PYROXD1: variants seen among roughly 807,000 people sequenced by gnomAD.
PYROXD1 encodes tRNA ligase complex-associated NAD(P)H dehydrogenase PYROXD1.
A neutral mutation model predicts 62.0 loss-of-function variants in PYROXD1; 42 were observed. The observed-to-expected ratio is 0.68, with a 90% confidence interval of 0.53 to 0.88. PYROXD1 has a LOEUF of 0.88. Ranked by LOEUF, PYROXD1 falls within the 40% of genes least tolerant of loss-of-function variation. The probability of loss-of-function intolerance (pLI) is 0.00; values close to 1 mark genes in which losing one functional copy is unlikely to be tolerated. For synonymous variants in PYROXD1, 170 were observed against 206.4 expected, an observed-to-expected ratio of 0.82 and a Z score of 1.51; for missense variants, 493 against 604.8, an observed-to-expected ratio of 0.82 and a Z score of 1.94.
intron 3 of PYROXD1, chr12:21,447,705 T>G (rs11046055): frequency 0.49 from 84,896 of 173,424 alleles, 20,875 homozygotes; most frequent in Middle Eastern, 0.56. Flanking sequence ...ACATGCATAC[T>G]GCCAGGCGCG....
chr12:21,448,130 T>A lies in PYROXD1; in HGVS notation c.286-1433T>A, dbSNP rs570161088. On this transcript the variant is annotated intron_variant, in intron 3 of 11. Coordinates refer to ENST00000240651, the MANE Select transcript of PYROXD1 (RefSeq NM_024854.5). ...CTGATGTTAATGCATGTTCTCTTTT[T>A]ACAGTAAATTCATGGCCATCAGATG... 2.5e-5 allele frequency: 17 copies of A among 675,954 alleles called. No homozygotes were observed. In the East Asian group the frequency reaches 3.6e-4, roughly 14 times the overall value. The allele number at this position is 675,954 out of a possible 1,614,324, so 41.9% of individuals were successfully genotyped here.
chr12:21,458,218 T>G (rs1942634249), intron 7 of PYROXD1, among the ~76,000 whole-genome samples: 1 of 152,214 alleles, frequency 6.6e-6, no homozygotes, highest in African/African-American at 2.4e-5. Flanking sequence ...TAGAGATGGC[T>G]TCTTTACTTA....
chr12:21,453,326 T>G (rs1263559892), intron 5 of PYROXD1, among the ~76,000 whole-genome samples: 1 of 152,116 alleles, frequency 6.6e-6, no homozygotes, highest in Non-Finnish European at 1.5e-5. Context: ...TTTAGTAAGC[T>G]CTTCTTTGGT....
chr12:21,467,652 CT>C (rs1358815983), intron 11 of PYROXD1, 34 bp downstream of exon 11: 1 of 1,495,508 alleles, frequency 6.7e-7, no homozygotes, highest in Non-Finnish European at 9.2e-7. Flanking sequence ...GCCTTCTCTG[CT>C]TGTTAGTCTT....
At chr12:21,455,040 A>G (rs936298066) in intron 5 of PYROXD1, 92 bp from the exon 6 acceptor site, 3 of 607,154 alleles carry the variant, frequency 4.9e-6, no homozygotes, top group African/African-American at 3.8e-5. Flanking sequence ...TGTATTCCCT[A>G]CTTTTGCTTC....
chr12:21,457,759 A>T (rs61926294), intron 7 of PYROXD1, among the ~76,000 whole-genome samples: 74,578 of 151,452 alleles, frequency 0.49, 18,440 homozygotes, highest in Middle Eastern at 0.59. Flanking sequence ...GAGAACTCTA[A>T]CATGAAAACA....
chr12:21,468,419 C>T (rs923239518), intron 11 of PYROXD1, 87 bp from the exon 12 acceptor site: 41 of 1,239,492 alleles, frequency 3.3e-5, no homozygotes, highest in Admixed American at 2.9e-4. Flanking sequence ...AAGTTTTCTG[C>T]GGCTATTCAA....
chr12:21,446,161 C>T (rs978367381), intron 3 of PYROXD1, among the ~76,000 whole-genome samples: 6 of 152,188 alleles, frequency 3.9e-5, no homozygotes, highest in Non-Finnish European at 7.4e-5. Flanking sequence ...CGTTGGCTCA[C>T]GCCTGTAATC....
At position 21,470,255 on chromosome 12, in the gene PYROXD1, A is replaced by G. The variant is rs1172091042; in HGVS notation, c.*1501A>G. 5.0e-6 allele frequency: 8 copies of G among 1,608,006 alleles called. No individual in the cohort carries two copies. Among genetic ancestry groups the G allele is most frequent in the Admixed American group, 1.7e-5 (1 of 58,952 alleles). On this transcript the variant is annotated 3_prime_UTR_variant, in exon 12 of 12. Transcript: ENST00000240651. ...ATTCTTAGAACCAGATTGCTGAAGC[A>G]TGTTTGCAGCCTTCTTCTGGAAGTT...
At chr12:21,460,908 A>G in intron 7 of PYROXD1, 117 bp from the exon 8 acceptor site, 1 of 629,790 alleles carries the variant, frequency 1.6e-6, no homozygotes, top group Non-Finnish European at 2.4e-6. Context: ...TTTCATTTAT[A>G]TTATAAGAAT....
At chr12:21,451,214 C>G (rs1220130858) in intron 4 of PYROXD1, among the ~76,000 whole-genome samples, 1 of 139,578 alleles carries the variant, frequency 7.2e-6, no homozygotes, top group Non-Finnish European at 1.6e-5. Flanking sequence ...AGAATTACCA[C>G]TGGCTTCTCT....
intron 3 of PYROXD1, chr12:21,447,813 C>T (rs553204605): frequency 7.2e-4 from 118 of 163,526 alleles, no homozygotes; most frequent in Admixed American, 1.9e-3. Context: ...GGTGAAATCC[C>T]GTCTCTACTA....
In PYROXD1 at chr12:21,462,738, A is replaced by G. The variant is rs2137283268; in HGVS notation, c.994-2A>G. The G allele has an allele frequency of 1.9e-6, 3 of 1,613,052 alleles. No homozygotes were observed. The highest frequency in any genetic ancestry group is 4.5e-5 in the East Asian group (2 of 44,818). On this transcript the variant is annotated splice_acceptor_variant, in intron 9 of 11. Coordinates refer to ENST00000240651, the MANE Select transcript of PYROXD1 (RefSeq NM_024854.5). LOFTEE classifies it high-confidence loss of function. ...TTAACGCTTATGAGGAATGTTGTTTAGTTTGATCTAGGAGAAGATGGTGGC... is the reference window on the plus strand; with the variant it reads ...TTAACGCTTATGAGGAATGTTGTTTGGTTTGATCTAGGAGAAGATGGTGGC...
Position 21,470,563 on chromosome 12 carries a change from T to C in PYROXD1, c.*1809T>C. 3.2e-6 allele frequency: 2 copies of C among 622,184 alleles called. No homozygotes were observed. Among genetic ancestry groups the C allele is most frequent in the Non-Finnish European group, 4.9e-6 (2 of 406,276 alleles). 38.5% of individuals were successfully genotyped at this position (622,184 alleles called of 1,614,324 possible). ...TGAGAGAAGTTCTAAAGACCTCAAATGTCCTTAGACACAATGGCACTTGAC... is the reference window on the plus strand; with the variant it reads ...TGAGAGAAGTTCTAAAGACCTCAAACGTCCTTAGACACAATGGCACTTGAC... On this transcript the variant is annotated 3_prime_UTR_variant, in exon 12 of 12. Transcript: ENST00000240651.
At position 21,471,179 on chromosome 12, in the gene PYROXD1, C is replaced by G. The variant is rs74067192; in HGVS notation, c.*2425C>G. ...AATTTATAAAAGAAATAACTATATGCGCAGTAATTCTTAACACATTGACTT... is the reference window on the plus strand; with the variant it reads ...AATTTATAAAAGAAATAACTATATGGGCAGTAATTCTTAACACATTGACTT... On this transcript the variant is annotated 3_prime_UTR_variant, in exon 12 of 12. Coordinates refer to ENST00000240651, the MANE Select transcript of PYROXD1 (RefSeq NM_024854.5). 6.9e-6 allele frequency: 9 copies of G among 1,311,040 alleles called. 1 individual carries two copies. In the South Asian group the frequency reaches 1.4e-4, roughly 21 times the overall value. 81.2% of individuals were successfully genotyped at this position (1,311,040 alleles called of 1,614,324 possible).
intron 3 of PYROXD1, among the ~76,000 whole-genome samples, chr12:21,445,948 C>G (rs74067165): frequency 6.6e-6 from 1 of 151,974 alleles, no homozygotes; most frequent in Non-Finnish European, 1.5e-5. Flanking sequence ...AAGAGTTCCC[C>G]AGGTGGAAAG....
In PYROXD1 at chr12:21,470,439, C is replaced by A; in HGVS notation, c.*1685C>A. The A allele has an allele frequency of 7.4e-7, 1 of 1,349,396 alleles. No individual in the cohort carries two copies. The allele number at this position is 1,349,396 out of a possible 1,614,324, so 83.6% of individuals were successfully genotyped here. A position where few individuals can be genotyped will look rare whatever the true frequency, so the allele number is the denominator to read the frequency against. ...GATTAAATATTTCAAAATATTCTTT[C>A]TGTATCAGTTGGCTTTTTAAGTATA... On this transcript the variant is annotated 3_prime_UTR_variant, in exon 12 of 12. Transcript: ENST00000240651.
intron 7 of PYROXD1, among the ~76,000 whole-genome samples, chr12:21,459,112 A>T (rs183064775): frequency 6.6e-6 from 1 of 152,346 alleles, no homozygotes; most frequent in East Asian, 1.9e-4. Flanking sequence ...TATGCTAACG[A>T]GTTGACTGGT....
At chr12:21,440,805 T>C (rs949154156) in intron 2 of PYROXD1, among the ~76,000 whole-genome samples, 5 of 152,232 alleles carry the variant, frequency 3.3e-5, no homozygotes, top group African/African-American at 1.2e-4. Flanking sequence ...TATAGGCTTG[T>C]ATATGACCAT....
Sources: allele counts gnomAD v4.1 joint callset (sites outside exome capture counted in the v4.1 genomes callset), GRCh38; gene constraint gnomAD v4.1.1; transcripts MANE v1.5; gene names NCBI Gene and HGNC (gene_info 2026-07-23, HGNC 2026-07-21).